Variants in TIAM1 observed in about 807,000 individuals in gnomAD.
The protein encoded by TIAM1 is rho guanine nucleotide exchange factor TIAM1.
TIAM1 carries 65 observed loss-of-function variants against 163.5 expected under a neutral mutation model. The observed-to-expected ratio is 0.40, with a 90% CI of 0.33 to 0.49. TIAM1 has a LOEUF of 0.49. TIAM1 is among the 20% of genes least tolerant of loss of function. The pLI is 0.77. For synonymous variants in TIAM1, 833 were observed against 810.1 expected, an observed-to-expected ratio of 1.03 and a Z score of -0.48; for missense variants, 1,789 against 2,044.7, an observed-to-expected ratio of 0.87 and a Z score of 2.41.
intron 2 of TIAM1, among the ~76,000 whole-genome samples, chr21:31,431,089 TG>T (rs1297537512): frequency 1.3e-5 from 2 of 152,204 alleles, no homozygotes; most frequent in Non-Finnish European, 2.9e-5. Context: ...TACTTCTGCA[TG>T]TATGGGTCTC....
In TIAM1 at chr21:31,244,904, T is replaced by C. The variant is rs1013302277; in HGVS notation, c.1584+584A>G. On this transcript the variant is annotated intron_variant, in intron 6 of 27. Transcript: ENST00000541036. ...AGAGTATATTACAACTATTCCAAAC[T>C]CAAAAGATTCCCTATCAGAAAAATG... Among the ~76,000 whole-genome samples, 4 of 152,112 alleles carry C rather than the reference T, an allele frequency of 2.6e-5. No individual in the cohort carries two copies. In the East Asian group the frequency reaches 7.7e-4, roughly 29 times the overall value.
chr21:31,150,219 T>C (rs1329011696), intron 19 of TIAM1, among the ~76,000 whole-genome samples: 1 of 152,190 alleles, frequency 6.6e-6, no homozygotes, highest in African/African-American at 2.4e-5. Context: ...ATTCACATAC[T>C]TATGTGTGTT....
At chr21:31,422,294 G>C (rs953059682) in intron 2 of TIAM1, among the ~76,000 whole-genome samples, 1 of 152,152 alleles carries the variant, frequency 6.6e-6, no homozygotes, top group Non-Finnish European at 1.5e-5. Context: ...TCCGTCTCAG[G>C]ATACGTATCA....
chr21:31,394,728 T>TCTCACACACACA (rs1279053911), intron 2 of TIAM1, among the ~76,000 whole-genome samples: 13 of 95,724 alleles, frequency 1.4e-4, no homozygotes, highest in Admixed American at 2.3e-4. Flanking sequence ...TCTCTCTCTC[T>TCTCACACACACA]CACACACACA....
intron 2 of TIAM1, among the ~76,000 whole-genome samples, chr21:31,457,583 G>A (rs1425520345): frequency 2.0e-5 from 3 of 152,200 alleles, no homozygotes; most frequent in Non-Finnish European, 2.9e-5. Context: ...GACCACAAAT[G>A]TAGATGACAA....
At chr21:31,152,603 C>T (rs1352534377) in intron 19 of TIAM1, 33 bp downstream of exon 19, 2 of 1,612,352 alleles carry the variant, frequency 1.2e-6, no homozygotes, top group Non-Finnish European at 8.5e-7. Context: ...CACACTATAG[C>T]CCTGACGCTG....
chr21:31,277,005 A>G (rs976971066), intron 2 of TIAM1, 97 bp from the exon 3 acceptor site: 2 of 152,236 alleles, frequency 1.3e-5, no homozygotes, highest in African/African-American at 4.8e-5. Context: ...CATTTCGTCA[A>G]TTCCATGACG....
intron 2 of TIAM1, among the ~76,000 whole-genome samples, chr21:31,397,918 T>A (rs1387746796): frequency 1.3e-5 from 2 of 152,250 alleles, no homozygotes; most frequent in Non-Finnish European, 2.9e-5. Context: ...TGCTACCTTG[T>A]AGAATGGATG....
chr21:31,251,960 C>A lies in TIAM1; in HGVS notation c.1193G>T (p.Ser398Ile). ...CGAGCCGGCCTCCTCCAGGCTCTCG[C>A]TGTTGGTGGTGCTCATCTCCAGCTC... Reference protein sequence around the residue: ...RRELEMSTTNSESLEEAGSAH... With the variant: ...RRELEMSTTNIESLEEAGSAH... The change falls in exon 5 of 28, where the codon AGC becomes ATC. Residue 398 changes from serine (S) to isoleucine (I), a missense_variant. Around this residue, in one of 5 missense-constraint regions of TIAM1, gnomAD observed 555 missense variants for 564.9 expected, o/e 0.98. Transcript: ENST00000541036. 6.2e-7 allele frequency: 1 copy of A among 1,614,004 alleles called. No homozygotes were observed. The highest frequency in any genetic ancestry group is 2.2e-5 in the East Asian group (1 of 44,874).
At chr21:31,427,573 C>T (rs1162823506) in intron 2 of TIAM1, among the ~76,000 whole-genome samples, 1 of 152,050 alleles carries the variant, frequency 6.6e-6, no homozygotes, top group African/African-American at 2.4e-5. Context: ...GACGCAGTGG[C>T]TAATGCCTAT....
chr21:31,493,557 A>G (rs1003730789), intron 1 of TIAM1, among the ~76,000 whole-genome samples: 1 of 152,232 alleles, frequency 6.6e-6, no homozygotes, highest in African/African-American at 2.4e-5. Context: ...TAGAGTATCA[A>G]GATAAGCTGG....
chr21:31,531,870 A>C (rs2047982714), intron 1 of TIAM1, among the ~76,000 whole-genome samples: 1 of 152,054 alleles, frequency 6.6e-6, no homozygotes, highest in Admixed American at 6.6e-5. Flanking sequence ...TAATCCCAGC[A>C]CTTTGGGAGG....
chr21:31,191,092 C>T (rs1186267224), intron 13 of TIAM1, among the ~76,000 whole-genome samples: 1 of 152,162 alleles, frequency 6.6e-6, no homozygotes, highest in African/African-American at 2.4e-5. Context: ...ACATCAAATG[C>T]CAAAACCAAC....
intron 2 of TIAM1, among the ~76,000 whole-genome samples, chr21:31,454,322 T>A (rs2045003609): frequency 6.6e-6 from 1 of 152,258 alleles, no homozygotes; most frequent in African/African-American, 2.4e-5. Flanking sequence ...GGTCTACATG[T>A]ATTACTGTTG....
At position 31,266,696 on chromosome 21, in the gene TIAM1, G is replaced by C; in HGVS notation, c.277C>G (p.Arg93Gly). The C allele has an allele frequency of 6.2e-7, 1 of 1,614,156 alleles. No individual in the cohort carries two copies. ...EDFGSPIWVD[R>G]VDMGLRPVSY... Reference sequence around the variant, plus strand: ...ACAGGTCTCAAGCCCATGTCCACTCGGTCCACCCAGATGGGGCTCCCGAAG... The same window carrying C: ...ACAGGTCTCAAGCCCATGTCCACTCCGTCCACCCAGATGGGGCTCCCGAAG... The change falls in exon 4 of 28, where the codon CGA (arginine) becomes GGA (glycine). Residue 93 changes from arginine (R) to glycine (G), a missense_variant. Physicochemically the swap from Arg to Gly is moderately radical, Grantham distance 125 (BLOSUM62 -2). Transcript: ENST00000541036.
At chr21:31,469,406 GCTTTT>G (rs1159749879) in intron 1 of TIAM1, among the ~76,000 whole-genome samples, 1 of 152,062 alleles carries the variant, frequency 6.6e-6, no homozygotes, top group East Asian at 1.9e-4. Context: ...CAGCCTGTCT[GCTTTT>G]CTTAACTCCG....
intron 2 of TIAM1, among the ~76,000 whole-genome samples, chr21:31,460,424 C>T (rs1276428608): frequency 1.3e-5 from 2 of 151,998 alleles, no homozygotes; most frequent in Non-Finnish European, 2.9e-5. Context: ...GTCAGGAGTT[C>T]GAGATCAGCC....
At chr21:31,179,013 A>G (rs1405468495) in intron 15 of TIAM1, among the ~76,000 whole-genome samples, 1 of 151,666 alleles carries the variant, frequency 6.6e-6, no homozygotes, top group Non-Finnish European at 1.5e-5. Flanking sequence ...GGCCTCCCAA[A>G]GTGCTGGGAT....
intron 25 of TIAM1, among the ~76,000 whole-genome samples, chr21:31,129,437 G>C (rs569313095): frequency 1.3e-5 from 2 of 152,230 alleles, no homozygotes; most frequent in East Asian, 3.9e-4. Context: ...CCAACACTTT[G>C]GGAGGCCAAG....
Sources: allele counts gnomAD v4.1 joint callset (sites outside exome capture counted in the v4.1 genomes callset), GRCh38; gene constraint gnomAD v4.1.1; regional missense constraint gnomAD v4.1.1; transcripts MANE v1.5; gene names NCBI Gene and HGNC (gene_info 2026-07-23, HGNC 2026-07-21).